Variants in C1QTNF3 observed in about 807,000 individuals in gnomAD.
C1QTNF3 encodes C1q and TNF related 3, also known as complement C1q tumor necrosis factor-related protein 3.
A neutral mutation model predicts 32.6 loss-of-function variants in C1QTNF3; 26 were observed. That is an observed-to-expected ratio of 0.80 (90% CI 0.58 to 1.11). The LOEUF (loss-of-function observed/expected upper bound fraction) is 1.11. Among genes scored for constraint, C1QTNF3 ranks in the 50% least tolerant of loss-of-function variants. The pLI, the probability that C1QTNF3 is intolerant of heterozygous loss-of-function variation, is 0.00. For missense variants in C1QTNF3, 362 were observed against 398.2 expected (o/e 0.91, Z 0.77); for synonymous variants, 155 against 146.0 (o/e 1.06, Z -0.44).
chr5:34,204,355 A>C, the C1QTNF3 span, among the ~76,000 whole-genome samples: 1 of 152,164 alleles, frequency 6.6e-6, no homozygotes, highest in South Asian at 2.1e-4. Flanking sequence ...TGTGTCCCTC[A>C]GTGGATAATT....
chr5:34,241,723 T>C, the C1QTNF3 span, among the ~76,000 whole-genome samples: 1 of 151,400 alleles, frequency 6.6e-6, no homozygotes, highest in Non-Finnish European at 1.5e-5. Context: ...GGCAACATAG[T>C]GGAACCTCAT....
chr5:34,157,189 CT>C, the C1QTNF3 span, among the ~76,000 whole-genome samples: 2 of 152,254 alleles, frequency 1.3e-5, no homozygotes, highest in South Asian at 4.1e-4. Flanking sequence ...GTAGAATTTA[CT>C]CAGATTACTC....
chr5:34,178,211 GC>G, the C1QTNF3 span, among the ~76,000 whole-genome samples: 1 of 151,874 alleles, frequency 6.6e-6, no homozygotes, highest in Non-Finnish European at 1.5e-5. Flanking sequence ...AACCTGGGAG[GC>G]GGAGGTAGCA....
At chr5:34,079,643 G>A in the C1QTNF3 span, among the ~76,000 whole-genome samples, 1 of 151,664 alleles carries the variant, frequency 6.6e-6, no homozygotes, top group Non-Finnish European at 1.5e-5. Context: ...TAACACGGAT[G>A]AACTTGGAGG....
the C1QTNF3 span, among the ~76,000 whole-genome samples, chr5:34,159,348 A>G: frequency 6.6e-6 from 1 of 152,108 alleles, no homozygotes; most frequent in Non-Finnish European, 1.5e-5. Context: ...TCATCTCCTC[A>G]TTATTTATTT....
chr5:34,029,243 CA>C (rs1271580128), intron 3 of C1QTNF3, among the ~76,000 whole-genome samples: 4 of 151,788 alleles, frequency 2.6e-5, no homozygotes, highest in Admixed American at 2.6e-4. Flanking sequence ...ACCCTATAGC[CA>C]AACATTTTAA....
chr5:34,166,238 T>C, the C1QTNF3 span: 3 of 152,122 alleles, frequency 2.0e-5, no homozygotes, highest in African/African-American at 7.2e-5. Context: ...TATGTCTCCC[T>C]TCAATATTTC....
intron 4 of C1QTNF3, among the ~76,000 whole-genome samples, chr5:34,026,891 C>T (rs935705115): frequency 6.6e-6 from 1 of 152,056 alleles, no homozygotes; most frequent in African/African-American, 2.4e-5. Context: ...AAGCAAATAC[C>T]TCTATAAAAG....
chr5:34,136,765 A>G, the C1QTNF3 span, among the ~76,000 whole-genome samples: 1 of 152,240 alleles, frequency 6.6e-6, no homozygotes, highest in Admixed American at 6.5e-5. Context: ...TCCATCAGTG[A>G]TAGACTGGAT....
the C1QTNF3 span, among the ~76,000 whole-genome samples, chr5:34,053,586 T>C: frequency 6.6e-6 from 1 of 152,214 alleles, no homozygotes; most frequent in East Asian, 1.9e-4. Flanking sequence ...ATCCAGTTTT[T>C]ATGCACCTAA....
chr5:34,195,446 G>T, the C1QTNF3 span, among the ~76,000 whole-genome samples: 1 of 143,784 alleles, frequency 7.0e-6, no homozygotes, highest in African/African-American at 2.5e-5. Context: ...TATTTAAAAA[G>T]CTGTCGTTGG....
At chr5:34,219,241 T>A in the C1QTNF3 span, among the ~76,000 whole-genome samples, 1 of 152,114 alleles carries the variant, frequency 6.6e-6, no homozygotes, top group East Asian at 1.9e-4. Flanking sequence ...ATGAGTGTAT[T>A]ATCCATGATT....
the C1QTNF3 span, among the ~76,000 whole-genome samples, chr5:34,079,443 T>C: frequency 2.1e-4 from 32 of 151,640 alleles, 2 homozygotes; most frequent in African/African-American, 7.8e-4. Flanking sequence ...ACCAACAGTG[T>C]CCCAGGGTTC....
the C1QTNF3 span, among the ~76,000 whole-genome samples, chr5:34,132,199 C>T: frequency 2.6e-5 from 4 of 151,844 alleles, no homozygotes; most frequent in Non-Finnish European, 4.4e-5. Flanking sequence ...CCAGCCTGAC[C>T]AACATGGAGA....
the C1QTNF3 span, among the ~76,000 whole-genome samples, chr5:34,107,275 T>C: frequency 2.9e-5 from 4 of 139,294 alleles, no homozygotes; most frequent in African/African-American, 1.1e-4. Context: ...AATATACTGC[T>C]GCACTTTTGG....
In C1QTNF3 at chr5:34,023,899, G is replaced by T; in HGVS notation, c.800+10C>A. ...CATGGATGAGACCCATGACAGAAAAGACCACCCACCTGTACATGCTGAAGA... is the reference window on the plus strand; with the variant it reads ...CATGGATGAGACCCATGACAGAAAATACCACCCACCTGTACATGCTGAAGA... On this transcript the variant is annotated intron_variant, in intron 5 of 5. Coordinates refer to ENST00000382065, the MANE Select transcript of C1QTNF3 (RefSeq NM_181435.6). 1.2e-6 allele frequency: 2 copies of T among 1,611,266 alleles called. No individual in the cohort carries two copies. The highest frequency in any genetic ancestry group is 3.3e-5 in the Admixed American group (2 of 59,992).
chr5:34,168,284 CGTGTGTGTGTGT>C, the C1QTNF3 span: 1 of 136,738 alleles, frequency 7.3e-6, no homozygotes, highest in East Asian at 2.2e-4. Flanking sequence ...TGTGTGCATG[CGTGTGTGTGTGT>C]GTGTGTGTGT....
the C1QTNF3 span, among the ~76,000 whole-genome samples, chr5:34,085,650 A>C: frequency 6.6e-6 from 1 of 151,746 alleles, no homozygotes. Context: ...ACACATCTCC[A>C]AAGAAGACAT....
At chr5:34,038,995 G>A (rs957658989) in intron 1 of C1QTNF3, among the ~76,000 whole-genome samples, 3 of 152,200 alleles carry the variant, frequency 2.0e-5, no homozygotes, top group Non-Finnish European at 2.9e-5. Flanking sequence ...CTGGTTATCG[G>A]CAGCTTCCCA....
Sources: gnomAD v4.1 joint callset for allele counts (sites outside exome capture counted in the v4.1 genomes callset) on GRCh38, gnomAD v4.1.1 for gene constraint, MANE v1.5 for transcripts, NCBI Gene and HGNC (gene_info 2026-07-23, HGNC 2026-07-21) for gene names.